The following TENM4 variants were observed in gnomAD, a reference collection of about 807,000 sequenced individuals.
TENM4 encodes the protein teneurin-4.
TENM4 carries 82 observed loss-of-function variants against 243.3 expected under a neutral mutation model. The ratio of observed to expected loss-of-function variants is 0.34; its 90% CI spans 0.28 to 0.40. The LOEUF is 0.40. Ranked by LOEUF, TENM4 falls within the 10% of genes least tolerant of loss-of-function variation. The pLI is 1.00. For missense variants in TENM4, 3,138 were observed against 3,673.3 expected, an observed-to-expected ratio of 0.85 and a Z score of 3.77; for synonymous variants, 1,412 against 1,456.3, an observed-to-expected ratio of 0.97 and a Z score of 0.69.
chr11:78,891,174 TG>T (rs757237651), intron 8 of TENM4, 63 bp downstream of exon 8: 6 of 1,454,978 alleles, frequency 4.1e-6, no homozygotes, highest in Non-Finnish European at 5.7e-6. Context: ...TCTCAGGGTC[TG>T]CATGCAAGTG....
At chr11:79,206,859 C>T (rs1228932806) in intron 3 of TENM4, among the ~76,000 whole-genome samples, 1 of 152,170 alleles carries the variant, frequency 6.6e-6, no homozygotes, top group Non-Finnish European at 1.5e-5. Flanking sequence ...CACCATGTAG[C>T]TTTAACCTTC....
At chr11:78,909,759 A>C (rs1856144119) in intron 6 of TENM4, among the ~76,000 whole-genome samples, 1 of 152,282 alleles carries the variant, frequency 6.6e-6, no homozygotes, top group African/African-American at 2.4e-5. Context: ...GTTCAGAAGC[A>C]AGGCCAGCTG....
chr11:79,159,071 C>T (rs917092038), intron 3 of TENM4, among the ~76,000 whole-genome samples: 9 of 152,120 alleles, frequency 5.9e-5, no homozygotes, highest in Admixed American at 3.9e-4. Flanking sequence ...AACAATGAGC[C>T]CCTCTGTACT....
intron 7 of TENM4, among the ~76,000 whole-genome samples, chr11:78,894,071 G>A (rs1855733395): frequency 6.6e-6 from 1 of 152,190 alleles, no homozygotes; most frequent in Admixed American, 6.5e-5. Context: ...GCTGAATTCA[G>A]GATACACAAA....
chr11:79,316,500 C>A (rs563178730), intron 1 of TENM4, among the ~76,000 whole-genome samples: 1 of 152,290 alleles, frequency 6.6e-6, no homozygotes, highest in South Asian at 2.1e-4. Context: ...ACAGAGAAGA[C>A]TGGGTTGAGT....
chr11:78,782,664 G>A (rs1856861451), intron 16 of TENM4, among the ~76,000 whole-genome samples: 1 of 152,062 alleles, frequency 6.6e-6, no homozygotes, highest in Admixed American at 6.6e-5. Context: ...TACTCGGGAG[G>A]CTGAGGCAGA....
At position 78,870,217 on chromosome 11, in the gene TENM4, G is replaced by A. The variant is rs183599584; in HGVS notation, c.1085-7085C>T. 3.9e-5 allele frequency among the ~76,000 whole-genome samples: 6 copies of A among 152,312 alleles called. No homozygotes were observed. In the East Asian group the frequency reaches 1.2e-3, roughly 29 times the overall value. ...GGTACATACCAGGAGCTCAGTAAATGGCAGTTGTATCATCACTGTCATTTT... is the reference window on the plus strand; with the variant it reads ...GGTACATACCAGGAGCTCAGTAAATAGCAGTTGTATCATCACTGTCATTTT... On this transcript the variant is annotated intron_variant, in intron 9 of 33. Transcript: ENST00000278550.
chr11:79,070,242 C>T (rs1860377361), intron 4 of TENM4, among the ~76,000 whole-genome samples: 1 of 152,180 alleles, frequency 6.6e-6, no homozygotes, highest in African/African-American at 2.4e-5. Flanking sequence ...TTGAGGAGGC[C>T]TCCTCCAGTG....
intron 2 of TENM4, among the ~76,000 whole-genome samples, chr11:79,270,545 A>T (rs944822458): frequency 6.6e-6 from 1 of 151,900 alleles, no homozygotes; most frequent in African/African-American, 2.4e-5. Flanking sequence ...GGGCCCTCCT[A>T]TCTCTCCCAT....
intron 4 of TENM4, among the ~76,000 whole-genome samples, chr11:79,075,031 C>T (rs1445391848): frequency 1.3e-5 from 2 of 152,222 alleles, no homozygotes; most frequent in Admixed American, 6.5e-5. Context: ...TGTTAGGATC[C>T]TGACCAATGA....
At chr11:78,727,031 C>T (rs946915345) in intron 22 of TENM4, among the ~76,000 whole-genome samples, 3 of 152,178 alleles carry the variant, frequency 2.0e-5, no homozygotes, top group South Asian at 2.1e-4. Flanking sequence ...AACCCAAGTG[C>T]ATCCACTGTA....
At chr11:79,395,577 C>A (rs1399910169) in intron 1 of TENM4, among the ~76,000 whole-genome samples, 1 of 152,190 alleles carries the variant, frequency 6.6e-6, no homozygotes, top group Non-Finnish European at 1.5e-5. Flanking sequence ...CGCCCAAGTT[C>A]CAAAAGGCCA....
chr11:78,988,026 T>G (rs1232418223), intron 6 of TENM4, among the ~76,000 whole-genome samples: 3 of 152,246 alleles, frequency 2.0e-5, no homozygotes, highest in South Asian at 4.1e-4. Flanking sequence ...TTTCTGATAT[T>G]CACGCCCTTG....
At chr11:79,397,675 A>G (rs1040946856) in intron 1 of TENM4, among the ~76,000 whole-genome samples, 36 of 152,206 alleles carry the variant, frequency 2.4e-4, no homozygotes, top group Non-Finnish European at 2.9e-5. Flanking sequence ...AGGAAGGCAA[A>G]AGCCAGGAAG....
At chr11:79,195,543 T>A (rs1162361098) in intron 3 of TENM4, among the ~76,000 whole-genome samples, 1 of 152,140 alleles carries the variant, frequency 6.6e-6, no homozygotes, top group Non-Finnish European at 1.5e-5. Flanking sequence ...AGGAGATCAT[T>A]TTGGAGCTTC....
intron 4 of TENM4, among the ~76,000 whole-genome samples, chr11:79,138,459 A>G (rs1862164983): frequency 1.7e-5 from 2 of 116,538 alleles, no homozygotes; most frequent in South Asian, 4.6e-4. Context: ...TATATAATAT[A>G]TTTTAATATA....
intron 19 of TENM4, 78 bp from the exon 20 acceptor site, chr11:78,738,648 C>A: frequency 6.8e-7 from 1 of 1,469,584 alleles, no homozygotes; most frequent in East Asian, 2.4e-5. Flanking sequence ...CCCCGAGAGG[C>A]CAGAAGCCAG....
intron 9 of TENM4, among the ~76,000 whole-genome samples, chr11:78,886,296 T>C (rs1855548764): frequency 6.6e-6 from 1 of 152,210 alleles, no homozygotes; most frequent in South Asian, 2.1e-4. Flanking sequence ...GAAAAGGGTC[T>C]TTGTTAGGGA....
At chr11:79,359,494 C>T (rs1192924474) in intron 1 of TENM4, among the ~76,000 whole-genome samples, 1 of 152,046 alleles carries the variant, frequency 6.6e-6, no homozygotes, top group Non-Finnish European at 1.5e-5. Context: ...AGATATTGAT[C>T]ATTGTTGAAG....
Sources: gnomAD v4.1 joint callset for allele counts (sites outside exome capture counted in the v4.1 genomes callset) on GRCh38, gnomAD v4.1.1 for gene constraint, MANE v1.5 for transcripts, NCBI Gene and HGNC (gene_info 2026-07-23, HGNC 2026-07-21) for gene names.